Variants in MON2 observed in about 807,000 individuals in gnomAD.
MON2 encodes MON2 regulator of endosome-to-Golgi trafficking.
Under a neutral mutation model 208.6 loss-of-function variants are expected in MON2, and 84 were observed. The observed-to-expected ratio is 0.40, with a 90% CI of 0.34 to 0.48. MON2 has a LOEUF of 0.48. MON2 is among the 20% of genes least tolerant of loss of function. The pLI is 0.59. For missense variants in MON2, 1,611 were observed against 2,015.4 expected (o/e 0.80, Z 3.84); for synonymous variants, 660 against 694.0 (o/e 0.95, Z 0.77).
At chr12:62,504,393 C>T (rs1462884080) in intron 7 of MON2, among the ~76,000 whole-genome samples, 4 of 151,606 alleles carry the variant, frequency 2.6e-5, no homozygotes, top group South Asian at 2.1e-4. Context: ...CACAGGTGCC[C>T]GCCACCACGC....
At chr12:62,546,140 GTAT>G (rs1309308169) in intron 21 of MON2, among the ~76,000 whole-genome samples, 3 of 151,920 alleles carry the variant, frequency 2.0e-5, no homozygotes, top group African/African-American at 4.8e-5. Context: ...TTTTTTATAA[GTAT>G]TATAGCTTCT....
At chr12:62,534,287 G>A (rs1194699473) in intron 12 of MON2, among the ~76,000 whole-genome samples, 9 of 151,310 alleles carry the variant, frequency 5.9e-5, no homozygotes, top group Admixed American at 3.9e-4. Flanking sequence ...TTGGGAGGCC[G>A]AGGTGGGTGG....
intron 10 of MON2, among the ~76,000 whole-genome samples, 188 bp downstream of exon 10, chr12:62,525,408 T>C (rs1203035400): frequency 6.6e-6 from 1 of 152,206 alleles, no homozygotes; most frequent in Non-Finnish European, 1.5e-5. Flanking sequence ...TTTTCCAGAA[T>C]AGATTTTCTT....
rs150078753 is a variant in MON2 at position 62,487,440 on chromosome 12, G to A, written c.175+3207G>A. 4.6e-5 allele frequency among the ~76,000 whole-genome samples: 7 copies of A among 151,980 alleles called. No individual in the cohort carries two copies. In the East Asian group the frequency reaches 9.7e-4, roughly 21 times the overall value. On this transcript the variant is annotated intron_variant, in intron 2 of 34. Coordinates refer to ENST00000393630, the MANE Select transcript of MON2 (RefSeq NM_015026.3). ...GTATATTTAGCCCCTACCCCAAACC[G>A]TAGTGGTTACATCTACCTGTGGCTG...
intron 3 of MON2, among the ~76,000 whole-genome samples, chr12:62,494,769 A>T (rs748171472): frequency 2.0e-5 from 3 of 152,212 alleles, no homozygotes; most frequent in Non-Finnish European, 4.4e-5. Context: ...ACTAGGTATT[A>T]CAAAACTGCT....
At chr12:62,547,178 TAA>T (rs2073524490) in intron 22 of MON2, 106 bp downstream of exon 22, 3 of 728,686 alleles carry the variant, frequency 4.1e-6, no homozygotes, top group Non-Finnish European at 5.8e-6. Context: ...GACTCCATCC[TAA>T]AATCTTGAAA....
intron 25 of MON2, among the ~76,000 whole-genome samples, chr12:62,557,928 T>TGATTTATATATATATA (rs2074030423): frequency 2.2e-5 from 1 of 46,130 alleles, no homozygotes; most frequent in African/African-American, 9.6e-5. Context: ...ACGAATAGAT[T>TGATTTATATATATATA]TATATATATA....
At chr12:62,550,908 T>C (rs1592370948) in intron 23 of MON2, among the ~76,000 whole-genome samples, 1 of 59,106 alleles carries the variant, frequency 1.7e-5, no homozygotes. Context: ...CTTCTTTCTT[T>C]CTTTTTTTTT....
At chr12:62,529,110 G>A (rs1435795705) in intron 11 of MON2, among the ~76,000 whole-genome samples, 1 of 152,030 alleles carries the variant, frequency 6.6e-6, no homozygotes, top group Non-Finnish European at 1.5e-5. Flanking sequence ...TGCAGTATTT[G>A]GTTTTCTGTT....
chr12:62,499,711 A>G (rs1435924067), intron 5 of MON2, among the ~76,000 whole-genome samples: 1 of 151,930 alleles, frequency 6.6e-6, no homozygotes, highest in African/African-American at 2.4e-5. Context: ...CGTCTCTACT[A>G]AAATACAAAA....
chr12:62,580,294 T>C lies in MON2; in HGVS notation c.4576-3T>C. On this transcript the variant is annotated splice_polypyrimidine_tract_variant and splice_region_variant and intron_variant, in intron 31 of 34. Transcript: ENST00000393630. ...ACATTTGCATTTGCCTCTTTTGTTT[T>C]AGGTAGTTCAACTTATCAGCAATGA... 6.2e-7 allele frequency: 1 copy of C among 1,608,630 alleles called. No individual in the cohort carries two copies. Among genetic ancestry groups the C allele is most frequent in the Non-Finnish European group, 8.5e-7 (1 of 1,177,340 alleles).
intron 25 of MON2, 111 bp from the exon 26 acceptor site, chr12:62,560,380 C>T (rs2074152749): frequency 5.6e-6 from 6 of 1,068,886 alleles, no homozygotes; most frequent in Non-Finnish European, 8.1e-6. Context: ...TTTTCCAGTT[C>T]TGTAGGATTT....
intron 3 of MON2, among the ~76,000 whole-genome samples, chr12:62,494,408 C>T (rs954463474): frequency 3.9e-5 from 6 of 152,050 alleles, no homozygotes; most frequent in African/African-American, 9.7e-5. Flanking sequence ...TTAACTTAAA[C>T]GTATTGTTCA....
chr12:62,578,497 G>A lies in MON2; in HGVS notation c.4567G>A (p.Asp1523Asn), dbSNP rs760667289. The A allele has an allele frequency of 2.7e-6, 4 of 1,493,566 alleles. No individual in the cohort carries two copies. The African/African-American group carries it at 5.7e-5, about 21-fold the overall frequency. 92.5% of individuals were successfully genotyped at this position (1,493,566 alleles called of 1,614,324 possible). Residue 1523 changes from aspartate to asparagine, a missense_variant, in exon 31 of 35, where the codon GAT becomes AAT. By Grantham distance (23) the Asp-to-Asn change is conservative. Coordinates refer to ENST00000393630, the MANE Select transcript of MON2 (RefSeq NM_015026.3). Reference sequence around the variant, plus strand: ...AGAGTTTCAAAGAAATGAAAATATTGATGTCGAGGTAAGGAGGCTATTTAA... The same window carrying A: ...AGAGTTTCAAAGAAATGAAAATATTAATGTCGAGGTAAGGAGGCTATTTAA... ...IQEFQRNENI[D>N]VEVVQLISNE...
intron 1 of MON2, among the ~76,000 whole-genome samples, chr12:62,467,944 T>C (rs2068595375): frequency 1.3e-5 from 2 of 149,294 alleles, no homozygotes; most frequent in African/African-American, 5.0e-5. Flanking sequence ...CTTAACCTCT[T>C]TGAGCTTCGG....
chr12:62,580,429 A>C lies in MON2; in HGVS notation c.4699+9A>C. 6.3e-7 allele frequency: 1 copy of C among 1,582,510 alleles called. No individual in the cohort carries two copies. Among genetic ancestry groups the C allele is most frequent in the Admixed American group, 1.8e-5 (1 of 56,984 alleles). On this transcript the variant is annotated intron_variant, in intron 32 of 34. Transcript: ENST00000393630. ...GTCATCTTCATTTACAGGTATGTTA[A>C]TTTTTTTAAGTATTAAAAAGTATTG...
chr12:62,544,256 G>A (rs900799241), intron 20 of MON2, among the ~76,000 whole-genome samples: 1 of 152,044 alleles, frequency 6.6e-6, no homozygotes, highest in Admixed American at 6.6e-5. Flanking sequence ...ACCAGCCTGG[G>A]CAACATAGGG....
intron 30 of MON2, among the ~76,000 whole-genome samples, chr12:62,574,444 A>G (rs578198351): frequency 6.6e-6 from 1 of 152,102 alleles, no homozygotes; most frequent in East Asian, 1.9e-4. Flanking sequence ...TCGCATGTTC[A>G]TGGCTCACTG....
intron 1 of MON2, 57 bp downstream of exon 1, chr12:62,467,375 C>G: frequency 7.3e-7 from 1 of 1,378,360 alleles, no homozygotes; most frequent in Non-Finnish European, 1.0e-6. Flanking sequence ...TCCTGTTAGA[C>G]TCAGTGCTTC....
Sources: allele counts gnomAD v4.1 joint callset (sites outside exome capture counted in the v4.1 genomes callset), GRCh38; gene constraint gnomAD v4.1.1; transcripts MANE v1.5; gene names NCBI Gene and HGNC (gene_info 2026-07-23, HGNC 2026-07-21).